CNKSR1: variants seen among roughly 807,000 people sequenced by gnomAD.
CNKSR1 encodes CNK homolog protein 1.
Under a neutral mutation model 95.6 loss-of-function variants are expected in CNKSR1, and 88 were observed. The ratio of observed to expected loss-of-function variants is 0.92; its 90% confidence interval spans 0.78 to 1.10. The LOEUF (loss-of-function observed/expected upper bound fraction) is 1.10. Among genes scored for constraint, CNKSR1 ranks in the 50% least tolerant of loss-of-function variants. CNKSR1 has a pLI of 0.00. For missense variants in CNKSR1, 836 were observed against 912.0 expected, an observed-to-expected ratio of 0.92 and a Z score of 1.07; for synonymous variants, 355 against 369.7, an observed-to-expected ratio of 0.96 and a Z score of 0.46.
chr1:26,180,185 T>G (rs2088620809), intron 1 of CNKSR1: 1 of 529,584 alleles, frequency 1.9e-6, no homozygotes, highest in African/African-American at 1.9e-5. Flanking sequence ...TCAGCAGGTG[T>G]GGGGTGAGGC....
chr1:26,184,925 C>A, intron 13 of CNKSR1, 89 bp from the exon 14 acceptor site: 1 of 1,331,110 alleles, frequency 7.5e-7, no homozygotes, highest in Non-Finnish European at 1.0e-6. Context: ...AGAGATCTCA[C>A]TTGGGGATGC....
At position 26,188,887 on chromosome 1, in the gene CNKSR1, G is replaced by A. The variant is rs2088811126; in HGVS notation, c.1806G>A (p.Arg602=). 4 of 1,613,572 alleles carry A rather than the reference G, an allele frequency of 2.5e-6. No homozygotes were observed. The highest frequency in any genetic ancestry group is 3.4e-6 in the Non-Finnish European group (4 of 1,179,920). Residue 602 remains arginine, a synonymous_variant, in exon 20 of 21, where the codon CGG becomes CGA. Transcript: ENST00000361530. ...AACAGTGGCGGAGCTCTTTCATGCG[G>A]CGCAACCGAGACCCTCAGCTCAATG... ...TQEQWRSSFM[R]RNRDPQLNER...
At chr1:26,183,582 G>A in intron 8 of CNKSR1, 147 bp from the exon 9 acceptor site, 2 of 1,009,884 alleles carry the variant, frequency 2.0e-6, no homozygotes. Flanking sequence ...CCCAGGTGAT[G>A]GGGCCCATGG....
At position 26,185,159 on chromosome 1, in the gene CNKSR1, C is replaced by CA; in HGVS notation, c.1282dup (p.Thr428AsnfsTer11). ...GCCGCTGGTTTGTGCTCAAGGGACA[C>CA]ACGCTCTACTGGTACCGCCAGCCCC... is the stretch of plus-strand genomic sequence containing the variant. On this transcript the variant is annotated frameshift_variant, in exon 14 of 21. Transcript: ENST00000361530. LOFTEE classifies it high-confidence loss of function. The CA allele has an allele frequency of 6.4e-7, 1 of 1,564,206 alleles. No individual in the cohort carries two copies. Among genetic ancestry groups the CA allele is most frequent in the Non-Finnish European group, 8.7e-7 (1 of 1,154,464 alleles).
intron 3 of CNKSR1, 39 bp downstream of exon 3, chr1:26,180,935 T>A: frequency 1.2e-6 from 2 of 1,610,846 alleles, no homozygotes; most frequent in Non-Finnish European, 1.7e-6. Flanking sequence ...ACTATTGTCA[T>A]CCTTGGCCTC....
chr1:26,189,473 G>A lies in CNKSR1; in HGVS notation c.2067G>A (p.Leu689=), dbSNP rs752504529. 5 of 1,613,864 alleles carry A rather than the reference G, an allele frequency of 3.1e-6. 1 individual carries two copies. The South Asian group carries it at 5.5e-5, about 18-fold the overall frequency. ...CCACAGAACAGTCCCCCCACTCCCTGCCCTCTGACCCTGAAGAGCACTCCC... is the reference window on the plus strand; with the variant it reads ...CCACAGAACAGTCCCCCCACTCCCTACCCTCTGACCCTGAAGAGCACTCCC... ...SDSTEQSPHS[L]PSDPEEHSHL... Residue 689 remains leucine, a synonymous_variant, in exon 21 of 21, where the codon CTG becomes CTA. Coordinates refer to ENST00000361530, the MANE Select transcript of CNKSR1 (RefSeq NM_006314.3).
In CNKSR1 at chr1:26,187,247, G is replaced by A; in HGVS notation, c.1382+6G>A. 6.2e-7 allele frequency: 1 copy of A among 1,612,322 alleles called. No homozygotes were observed. Among genetic ancestry groups the A allele is most frequent in the Non-Finnish European group, 8.5e-7 (1 of 1,178,300 alleles). Reference sequence around the variant, plus strand: ...CATGATCAGAAGAAGAAATAGTTAAGTCTTGGGGTGTGATGGGCTGGGGGA... The same window carrying A: ...CATGATCAGAAGAAGAAATAGTTAAATCTTGGGGTGTGATGGGCTGGGGGA... On this transcript the variant is annotated splice_donor_region_variant and intron_variant, in intron 15 of 20. Coordinates refer to ENST00000361530, the MANE Select transcript of CNKSR1 (RefSeq NM_006314.3).
chr1:26,188,495 T>G lies in CNKSR1; in HGVS notation c.1582T>G (p.Ser528Ala). 6.2e-7 allele frequency: 1 copy of G among 1,603,446 alleles called. No homozygotes were observed. Among genetic ancestry groups the G allele is most frequent in the Non-Finnish European group, 8.5e-7 (1 of 1,175,324 alleles). ...CCCGGACGATGAGGCTGGGTCCCACTCAGCCTCGGTGAGTGGGGGGCTGCC... is the reference window on the plus strand; with the variant it reads ...CCCGGACGATGAGGCTGGGTCCCACGCAGCCTCGGTGAGTGGGGGGCTGCC... Reference protein sequence around the residue: ...EDPDDEAGSHSASPSPAQAGS... With the variant: ...EDPDDEAGSHAASPSPAQAGS... Residue 528 changes from serine (S) to alanine (A), a missense_variant, in exon 18 of 21, where the codon TCA (serine) becomes GCA (alanine). Coordinates refer to ENST00000361530, the MANE Select transcript of CNKSR1 (RefSeq NM_006314.3).
At chr1:26,183,148 G>A in intron 6 of CNKSR1, 49 bp from the exon 7 acceptor site, 4 of 1,575,688 alleles carry the variant, frequency 2.5e-6, no homozygotes, top group Non-Finnish European at 3.5e-6. Flanking sequence ...CCTGCCTATT[G>A]GCCCTGTTGC....
chr1:26,179,039 A>G (rs1048954591), intron 1 of CNKSR1, among the ~76,000 whole-genome samples: 1 of 152,256 alleles, frequency 6.6e-6, no homozygotes, highest in African/African-American at 2.4e-5. Flanking sequence ...AAGCAGGATA[A>G]TGATAGTCTT....
Position 26,188,940 on chromosome 1 carries a change from A to G in CNKSR1, c.1859A>G (p.Gln620Arg), listed in dbSNP as rs766015855. 6.7e-5 allele frequency: 108 copies of G among 1,613,256 alleles called. No homozygotes were observed. Among genetic ancestry groups the G allele is most frequent in the Non-Finnish European group, 8.9e-5 (105 of 1,179,720 alleles). The change falls in exon 20 of 21, where the codon CAG (glutamine) becomes CGG (arginine). Residue 620 changes from glutamine (Q) to arginine (R), a missense_variant. By Grantham distance (43) the Gln-to-Arg change is conservative (BLOSUM62 1). Coordinates refer to ENST00000361530, the MANE Select transcript of CNKSR1 (RefSeq NM_006314.3). The part of the protein sequence containing the change: ...NERVHRVRAL[Q>R]STLKAKLQEL... ...CGAGTGCACCGTGTGCGGGCGCTAC[A>G]GAGCACACTCAAGGTCAGCTGGGGG...
chr1:26,185,810 C>T (rs1175664940), intron 14 of CNKSR1, among the ~76,000 whole-genome samples: 6 of 152,128 alleles, frequency 3.9e-5, no homozygotes, highest in Non-Finnish European at 7.4e-5. Context: ...GGATTATAGG[C>T]GTGAGCCACC....
Position 26,188,459 on chromosome 1 carries a change from G to A in CNKSR1, c.1546G>A (p.Glu516Lys), listed in dbSNP as rs1264634220. The change falls in exon 18 of 21, where the codon GAA (glutamate) becomes AAA (lysine). Residue 516 changes from glutamate to lysine, a missense_variant. Transcript: ENST00000361530. ...CACCCCAGACTGCTACAGTGAGACC[G>A]AAGCAGAGGACCCGGACGATGAGGC... ...PREEDCYSET[E>K]AEDPDDEAGS... The A allele has an allele frequency of 4.4e-6, 7 of 1,605,482 alleles. No individual in the cohort carries two copies. Among genetic ancestry groups the A allele is most frequent in the Middle Eastern group, 1.6e-4 (1 of 6,078 alleles).
chr1:26,184,328 G>A (rs2088705448), intron 11 of CNKSR1, 41 bp downstream of exon 11: 1 of 1,607,242 alleles, frequency 6.2e-7, no homozygotes, highest in Non-Finnish European at 8.5e-7. Context: ...CACGGCATCT[G>A]GGCACCCAGT....
chr1:26,187,545 C>T, intron 16 of CNKSR1, 63 bp downstream of exon 16: 1 of 1,544,594 alleles, frequency 6.5e-7, no homozygotes, highest in South Asian at 1.1e-5. Flanking sequence ...AGCTTGGGAG[C>T]CTAGGCTCAG....
At position 26,188,818 on chromosome 1, in the gene CNKSR1, G is replaced by T; in HGVS notation, c.1737G>T (p.Gln579His). ...ALEGMVRGLR[Q>H]GGVSLLGQPQ... is the part of the protein sequence containing the mutation. ...AAGGAATGGTACGGGGGCTGAGGCAGGGTGGCGTGTCCCTCCTAGGCCAGC... is the reference window on the plus strand; with the variant it reads ...AAGGAATGGTACGGGGGCTGAGGCATGGTGGCGTGTCCCTCCTAGGCCAGC... The change falls in exon 20 of 21, where the codon CAG becomes CAT. Residue 579 changes from glutamine to histidine, a missense_variant. Coordinates refer to ENST00000361530, the MANE Select transcript of CNKSR1 (RefSeq NM_006314.3). 1.2e-6 allele frequency: 2 copies of T among 1,612,324 alleles called. No individual in the cohort carries two copies. The highest frequency in any genetic ancestry group is 1.7e-6 in the Non-Finnish European group (2 of 1,179,242).
chr1:26,185,891 T>C (rs1334265770), intron 14 of CNKSR1, among the ~76,000 whole-genome samples: 1 of 152,218 alleles, frequency 6.6e-6, no homozygotes, highest in Non-Finnish European at 1.5e-5. Flanking sequence ...TCCATCCGAA[T>C]GATGGGCCAT....
At position 26,184,434 on chromosome 1, in the gene CNKSR1, TC is replaced by T. The variant is rs751291867; in HGVS notation, c.1040del (p.Pro347ArgfsTer11). 1 of 1,612,078 alleles carries T rather than the reference TC, an allele frequency of 6.2e-7. No homozygotes were observed. On this transcript the variant is annotated frameshift_variant, in exon 12 of 21. Transcript: ENST00000361530. LOFTEE classifies it high-confidence loss of function. ...SASLGPEPLP[I>X]PPEPPAILPA... ...TCCCTTGGCCCTGAGCCCCTGCCCATCCCCCCGGAACCCCCAGCCATACTCC... is the reference window on the plus strand; with the variant it reads ...TCCCTTGGCCCTGAGCCCCTGCCCATCCCCCGGAACCCCCAGCCATACTCC...
chr1:26,177,670 G>A (rs2088583331), intron 1 of CNKSR1, 71 bp downstream of exon 1: 2 of 1,575,792 alleles, frequency 1.3e-6, no homozygotes, highest in Non-Finnish European at 8.7e-7. Context: ...AGCGGGAGGA[G>A]AGGAAAAGGA....
Sources: gnomAD v4.1 joint callset for allele counts (sites outside exome capture counted in the v4.1 genomes callset) on GRCh38, gnomAD v4.1.1 for gene constraint, MANE v1.5 for transcripts, NCBI Gene and HGNC (gene_info 2026-07-23, HGNC 2026-07-21) for gene names.